BANP: variants seen among roughly 807,000 people sequenced by gnomAD.
BANP encodes BTG3 associated nuclear protein.
BANP carries 11 observed loss-of-function variants against 68.1 expected under a neutral mutation model. That is an observed-to-expected ratio of 0.16 (90% CI 0.10 to 0.27). The LOEUF (loss-of-function observed/expected upper bound fraction) is 0.27, where lower values mean the gene tolerates loss of function less well. Among genes scored for constraint, BANP ranks in the 10% least tolerant of loss-of-function variants. The probability of loss-of-function intolerance (pLI) is 1.00; values close to 1 mark genes in which losing one functional copy is unlikely to be tolerated. For synonymous variants in BANP, 329 were observed against 303.2 expected (o/e 1.09, Z -0.88); for missense variants, 504 against 722.7 (o/e 0.70, Z 3.47).
At chr16:87,962,655 T>TC (rs1030300976) in intron 1 of BANP, among the ~76,000 whole-genome samples, 6 of 152,098 alleles carry the variant, frequency 3.9e-5, no homozygotes, top group Admixed American at 6.5e-5. Flanking sequence ...TTCCTCCCTT[T>TC]CCCCCGCAAG....
intron 7 of BANP, among the ~76,000 whole-genome samples, chr16:88,021,205 G>C (rs1434345927): frequency 6.6e-6 from 1 of 152,202 alleles, no homozygotes; most frequent in Non-Finnish European, 1.5e-5. Context: ...TGTTCACCAG[G>C]CTGCTGAACC....
intron 7 of BANP, among the ~76,000 whole-genome samples, chr16:88,023,389 G>A (rs545961591): frequency 1.4e-4 from 21 of 152,318 alleles, no homozygotes; most frequent in South Asian, 2.1e-4. Flanking sequence ...GAGGCTGGAC[G>A]TTTGAGGTGC....
intron 3 of BANP, 107 bp downstream of exon 3, chr16:87,981,234 G>T: frequency 1.2e-6 from 1 of 824,982 alleles, no homozygotes; most frequent in South Asian, 1.4e-5. Context: ...CCTCTCAGCT[G>T]TGGAGGCCAG....
chr16:87,981,058 G>A lies in BANP; in HGVS notation c.93G>A (p.Val31=). 6.2e-7 allele frequency: 1 copy of A among 1,613,718 alleles called. No individual in the cohort carries two copies. The highest frequency in any genetic ancestry group is 8.5e-7 in the Non-Finnish European group (1 of 1,179,758). The change falls in exon 3 of 14, where the codon GTG becomes GTA. Residue 31 remains valine, a synonymous_variant. Transcript: ENST00000682872. ...CAGTTGTTTTGGAGAATCATGTAGT[G>A]ACAGATGAAGACGAACCTGCTTTGA... The part of the protein sequence containing the change: ...DHPVVLENHV[V]TDEDEPALKR...
rs770892938 is a variant in BANP, at chr16:88,003,610, G to GA, written c.363-683dup. The GA allele has an allele frequency of 4.4e-6, 2 of 450,182 alleles. No individual in the cohort carries two copies. The highest frequency in any genetic ancestry group is 2.4e-5 in the Admixed American group (1 of 42,168). The allele number at this position is 450,182 out of a possible 1,614,324, so 27.9% of individuals were successfully genotyped here. ...AAGCTGTGTTAGCTGCCGCCTGTCT[G>GA]AACACACTCGTGCTTCCTCCAGGGT... On this transcript the variant is annotated intron_variant, in intron 4 of 13. Transcript: ENST00000682872. This position sits in a 1 kb window ranked among gnomAD's most constrained non-coding sequence, Gnocchi z 6.1.
chr16:87,949,806 T>G (rs1220943036), upstream of BANP: 5 of 152,172 alleles, frequency 3.3e-5, no homozygotes, highest in African/African-American at 1.2e-4. Flanking sequence ...CGCTGAATCC[T>G]GTTTTTATTA....
chr16:87,977,916 A>G (rs1598014976), intron 2 of BANP, among the ~76,000 whole-genome samples: 1 of 152,124 alleles, frequency 6.6e-6, no homozygotes, highest in Admixed American at 6.5e-5. Flanking sequence ...GCTCACTGCA[A>G]CCTTTGTCTC....
At chr16:88,021,020 T>C (rs2075936484) in intron 7 of BANP, among the ~76,000 whole-genome samples, 1 of 152,156 alleles carries the variant, frequency 6.6e-6, no homozygotes, top group Admixed American at 6.5e-5. Flanking sequence ...CCTTGCGTGT[T>C]GTGGCTATGA....
intron 6 of BANP, among the ~76,000 whole-genome samples, chr16:88,014,240 G>C (rs1407451186): frequency 6.6e-6 from 1 of 152,204 alleles, no homozygotes; most frequent in East Asian, 1.9e-4. Context: ...GCTCCGTGTG[G>C]GGTGGAGGGC....
In BANP at chr16:88,047,094, G is replaced by C. The variant is rs1255332722; in HGVS notation, c.1311+9083G>C. 2.0e-5 allele frequency among the ~76,000 whole-genome samples: 3 copies of C among 152,018 alleles called. No individual in the cohort carries two copies. The South Asian group carries it at 6.2e-4, about 32-fold the overall frequency. The stretch of plus-strand genomic sequence containing the variant: ...AAAGAAAAAAAAAAATCCTTATCAT[G>C]TGAACGTGTTTTGGTGATCTTAGGG... On this transcript the variant is annotated intron_variant, in intron 11 of 13. Coordinates refer to ENST00000682872, the MANE Select transcript of BANP (RefSeq NM_001386991.1).
intron 11 of BANP, among the ~76,000 whole-genome samples, chr16:88,042,277 G>C (rs1361557905): frequency 6.6e-6 from 1 of 152,240 alleles, no homozygotes; most frequent in Admixed American, 6.5e-5. Flanking sequence ...AGAGCCATTT[G>C]GGAAGATGAG....
chr16:87,962,299 A>G (rs2059337231), intron 1 of BANP, among the ~76,000 whole-genome samples: 1 of 151,730 alleles, frequency 6.6e-6, no homozygotes, highest in Non-Finnish European at 1.5e-5. Context: ...TACCAGTCTC[A>G]GATACTCAGT....
intron 12 of BANP, among the ~76,000 whole-genome samples, chr16:88,069,997 C>T (rs1018324731): frequency 1.3e-5 from 2 of 152,152 alleles, no homozygotes; most frequent in Non-Finnish European, 2.9e-5. Context: ...ACGGTGAGGA[C>T]GAAGGCCAGG....
In BANP at chr16:88,057,361, C is replaced by T. The variant is rs551210497; in HGVS notation, c.1312-7906C>T. 2.2e-4 allele frequency among the ~76,000 whole-genome samples: 33 copies of T among 152,238 alleles called. No homozygotes were observed. The South Asian group carries it at 6.0e-3, about 28-fold the overall frequency. On this transcript the variant is annotated intron_variant, in intron 11 of 13. Transcript: ENST00000682872. The surrounding 1 kb of genome is among the most constrained non-coding windows in gnomAD (Gnocchi z 4.6). ...GGAAGGCTACCAGAGTAGCTGCCTG[C>T]GAAAGGAAACCTGGGCGTTACTGCT... is the stretch of plus-strand genomic sequence containing the variant.
intron 2 of BANP, 25 bp downstream of exon 2, chr16:87,975,210 G>A: frequency 6.2e-7 from 1 of 1,611,246 alleles, no homozygotes. Context: ...GACAGTAGGT[G>A]AAATATTATT....
chr16:87,960,982 A>G (rs1380847696), intron 1 of BANP, among the ~76,000 whole-genome samples: 2 of 152,330 alleles, frequency 1.3e-5, no homozygotes, highest in African/African-American at 4.8e-5. Context: ...TGCCAGTGCT[A>G]ATGCTGATGA....
At chr16:88,041,648 T>C (rs575434854) in intron 11 of BANP, among the ~76,000 whole-genome samples, 7 of 151,810 alleles carry the variant, frequency 4.6e-5, no homozygotes, top group Middle Eastern at 3.4e-3. Flanking sequence ...CCAGGAGGGC[T>C]GCCTCGACCT....
At chr16:87,981,336 C>A (rs541623808) in intron 3 of BANP, among the ~76,000 whole-genome samples, 1 of 152,228 alleles carries the variant, frequency 6.6e-6, no homozygotes, top group Non-Finnish European at 1.5e-5. Flanking sequence ...CTAGTGGCTC[C>A]GGCCCTGCCT....
At chr16:87,954,780 T>C (rs2144544613) in intron 1 of BANP, among the ~76,000 whole-genome samples, 1 of 152,328 alleles carries the variant, frequency 6.6e-6, no homozygotes, top group Non-Finnish European at 1.5e-5. Context: ...TTCTTTCTTG[T>C]GGGTTGATAA....
Sources: allele counts gnomAD v4.1 joint callset (sites outside exome capture counted in the v4.1 genomes callset), GRCh38; gene constraint gnomAD v4.1.1; non-coding constraint Gnocchi (gnomAD v3.1); transcripts MANE v1.5; gene names NCBI Gene and HGNC (gene_info 2026-07-23, HGNC 2026-07-21).